CACNA1B: variants seen among roughly 807,000 people sequenced by gnomAD.
The protein encoded by CACNA1B is calcium voltage-gated channel subunit alpha1 B.
A neutral mutation model predicts 247.2 loss-of-function variants in CACNA1B; 70 were observed. The observed-to-expected ratio is 0.28, with a 90% CI of 0.23 to 0.35. The LOEUF is 0.35. Ranked by LOEUF, CACNA1B falls within the 10% of genes least tolerant of loss-of-function variation. CACNA1B has a pLI of 1.00. For missense variants in CACNA1B, 2,367 were observed against 3,197.4 expected (o/e 0.74, Z 6.26); for synonymous variants, 1,231 against 1,294.4 (o/e 0.95, Z 1.05).
intron 6 of CACNA1B, among the ~76,000 whole-genome samples, chr9:137,929,913 G>T (rs183655062): frequency 6.6e-6 from 1 of 152,028 alleles, no homozygotes; most frequent in East Asian, 1.9e-4. Context: ...CTCAGCCTCC[G>T]AAGTAGCAAG....
chr9:137,945,261 G>C (rs1256747092), intron 6 of CACNA1B, among the ~76,000 whole-genome samples: 1 of 152,232 alleles, frequency 6.6e-6, no homozygotes, highest in African/African-American at 2.4e-5. Flanking sequence ...CAGGGAATCA[G>C]AGGGAATGGA....
At chr9:137,964,895 T>C (rs1958057377) in intron 10 of CACNA1B, among the ~76,000 whole-genome samples, 1 of 152,200 alleles carries the variant, frequency 6.6e-6, no homozygotes, top group Admixed American at 6.5e-5. Context: ...TTTGTTGTTG[T>C]TGTTGTTTTC....
rs1306363608 is a variant in CACNA1B, at chr9:138,055,129, C to CT, written c.3968+1138dup. ...AAAAACAAAGTTCTTTTTTCTTTTT[C>CT]TTTTTTTTTTTTTTTGAGACAGGAT... On this transcript the variant is annotated intron_variant, in intron 26 of 46. Coordinates refer to ENST00000371372, the MANE Select transcript of CACNA1B (RefSeq NM_000718.4). Among the ~76,000 whole-genome samples, 649 of 140,664 alleles carry CT rather than the reference C, an allele frequency of 4.6e-3. 1 individual carries two copies. The highest frequency in any genetic ancestry group is 9.0e-3 in the East Asian group (44 of 4,872). The allele number at this position is 140,664 out of a possible 152,430, so 92.3% of individuals were successfully genotyped here.
At chr9:137,894,282 G>A (rs1001401690) in intron 3 of CACNA1B, among the ~76,000 whole-genome samples, 1 of 150,340 alleles carries the variant, frequency 6.7e-6, no homozygotes, top group Non-Finnish European at 1.5e-5. Flanking sequence ...CAGCCTCGCC[G>A]GCACGGGGGT....
At chr9:137,948,745 G>A (rs1349832843) in intron 6 of CACNA1B, among the ~76,000 whole-genome samples, 3 of 148,002 alleles carry the variant, frequency 2.0e-5, no homozygotes, top group Non-Finnish European at 4.5e-5. Context: ...TGTGTGTGGT[G>A]TATGTGGTGT....
At chr9:137,980,015 C>G (rs1336243141) in intron 12 of CACNA1B, among the ~76,000 whole-genome samples, 2 of 152,218 alleles carry the variant, frequency 1.3e-5, no homozygotes, top group African/African-American at 4.8e-5. Flanking sequence ...CCTCTGGGCT[C>G]TTGGTTCTGC....
Position 137,919,464 on chromosome 9 carries a change from G to A in CACNA1B, c.966+2033G>A, listed in dbSNP as rs959450144. 1.3e-5 allele frequency among the ~76,000 whole-genome samples: 2 copies of A among 152,216 alleles called. No individual in the cohort carries two copies. The highest frequency in any genetic ancestry group is 6.5e-5 in the Admixed American group (1 of 15,290). On this transcript the variant is annotated intron_variant, in intron 6 of 46. Coordinates refer to ENST00000371372, the MANE Select transcript of CACNA1B (RefSeq NM_000718.4). This position sits in a 1 kb window ranked among gnomAD's most constrained non-coding sequence, Gnocchi z 4.6. Reference sequence around the variant, plus strand: ...AGTCATGGCAGTGCCTGGGGCTGGCGCCACACAAGGCCCCAGAGCAGGTAG... The same window carrying A: ...AGTCATGGCAGTGCCTGGGGCTGGCACCACACAAGGCCCCAGAGCAGGTAG...
intron 6 of CACNA1B, among the ~76,000 whole-genome samples, chr9:137,934,144 T>C (rs1957637954): frequency 6.6e-6 from 1 of 152,228 alleles, no homozygotes; most frequent in African/African-American, 2.4e-5. Context: ...TACTTATTTT[T>C]CGGCTGTCTT....
At chr9:138,045,500 G>A (rs1959174277) in intron 21 of CACNA1B, among the ~76,000 whole-genome samples, 1 of 152,216 alleles carries the variant, frequency 6.6e-6, no homozygotes, top group South Asian at 2.1e-4. Context: ...AGATGTGGAA[G>A]GGGAAGGAGA....
chr9:137,924,911 T>C (rs1174090439), intron 6 of CACNA1B, among the ~76,000 whole-genome samples: 2 of 152,234 alleles, frequency 1.3e-5, no homozygotes, highest in African/African-American at 2.4e-5. Flanking sequence ...GTACCCTTCA[T>C]GGGATACTTG....
chr9:137,888,247 C>T lies in CACNA1B; in HGVS notation c.530+5364C>T, dbSNP rs531586389. ...CCCACGGGAAGCCCCGTGGTGCCTCCGGAGTCTGTCACCCATCGGCGCAGG... is the reference window on the plus strand; with the variant it reads ...CCCACGGGAAGCCCCGTGGTGCCTCTGGAGTCTGTCACCCATCGGCGCAGG... On this transcript the variant is annotated intron_variant, in intron 3 of 46. Transcript: ENST00000371372. This position sits in a 1 kb window ranked among gnomAD's most constrained non-coding sequence, Gnocchi z 4.7. Among the ~76,000 whole-genome samples the T allele has an allele frequency of 3.3e-5, 5 of 152,168 alleles. No homozygotes were observed. The highest frequency in any genetic ancestry group is 2.1e-4 in the South Asian group (1 of 4,818).
intron 3 of CACNA1B, among the ~76,000 whole-genome samples, chr9:137,910,665 C>A (rs1052288488): frequency 2.0e-5 from 3 of 152,158 alleles, no homozygotes; most frequent in Non-Finnish European, 4.4e-5. Flanking sequence ...AGCGTGCAAC[C>A]TAGATCCCTC....
At chr9:138,040,481 CAT>C (rs146996665) in intron 20 of CACNA1B, 797 of 207,242 alleles carry the variant, frequency 3.8e-3, no homozygotes, top group South Asian at 9.6e-3. Flanking sequence ...TCCTATATAT[CAT>C]ATATATATAT....
chr9:138,111,141 A>G (rs1194003727), intron 39 of CACNA1B, among the ~76,000 whole-genome samples: 2 of 152,222 alleles, frequency 1.3e-5, no homozygotes, highest in Non-Finnish European at 2.9e-5. Context: ...GTTTGCCGTT[A>G]CTTCTATGGT....
chr9:138,099,252 CAT>C (rs1468405445), intron 37 of CACNA1B, among the ~76,000 whole-genome samples: 1 of 152,154 alleles, frequency 6.6e-6, no homozygotes, highest in Non-Finnish European at 1.5e-5. Flanking sequence ...CAGATGTCTA[CAT>C]GTGTGTTTTG....
At chr9:138,069,925 G>T (rs1323012810) in intron 32 of CACNA1B, among the ~76,000 whole-genome samples, 162 bp downstream of exon 32, 2 of 152,180 alleles carry the variant, frequency 1.3e-5, no homozygotes, top group Admixed American at 1.3e-4. Context: ...TGCTCCCTCG[G>T]CTCTGGGCAT....
chr9:138,081,101 G>T (rs1564277250), intron 36 of CACNA1B, among the ~76,000 whole-genome samples: 2 of 152,188 alleles, frequency 1.3e-5, no homozygotes, highest in Non-Finnish European at 2.9e-5. Context: ...GGTGCTGTAA[G>T]AACCAGCACA....
Position 137,987,283 on chromosome 9 carries a change from AC to A in CACNA1B, c.1974+435del, listed in dbSNP as rs552465253. Among the ~76,000 whole-genome samples, 387 of 150,768 alleles carry A rather than the reference AC, an allele frequency of 2.6e-3. 2 individuals carry two copies. Among genetic ancestry groups the A allele is most frequent in the African/African-American group, 8.8e-3 (363 of 41,090 alleles). On this transcript the variant is annotated intron_variant, in intron 15 of 46. Coordinates refer to ENST00000371372, the MANE Select transcript of CACNA1B (RefSeq NM_000718.4). ...AGTTCTCATCTGTATCTGGAAAACTACCCCCCTCAGCTCCTCGGGAAGTGGG... is the reference window on the plus strand; with the variant it reads ...AGTTCTCATCTGTATCTGGAAAACTACCCCCTCAGCTCCTCGGGAAGTGGG...
In CACNA1B at chr9:137,880,243, A is replaced by G. The variant is rs1045754865; in HGVS notation, c.390+1084A>G. Among the ~76,000 whole-genome samples the G allele has an allele frequency of 6.6e-6, 1 of 151,774 alleles. No individual in the cohort carries two copies. The highest frequency in any genetic ancestry group is 2.4e-5 in the African/African-American group (1 of 41,270). ...TGAGTTATGGGTGGCCGAGGTGAGG[A>G]GGTCTTAATGGAGCACAGTCTGGAA... On this transcript the variant is annotated intron_variant, in intron 2 of 46. Transcript: ENST00000371372. This position sits in a 1 kb window ranked among gnomAD's most constrained non-coding sequence, Gnocchi z 4.8.
Sources: gnomAD v4.1 joint callset for allele counts (sites outside exome capture counted in the v4.1 genomes callset) on GRCh38, gnomAD v4.1.1 for gene constraint, Gnocchi (gnomAD v3.1) non-coding constraint, MANE v1.5 for transcripts, NCBI Gene and HGNC (gene_info 2026-07-23, HGNC 2026-07-21) for gene names.